TMEM108: variants seen among roughly 807,000 people sequenced by gnomAD.
The protein encoded by TMEM108 is cancer/testis antigen 124.
Under a neutral mutation model 35.1 loss-of-function variants are expected in TMEM108, and 12 were observed. That is an observed-to-expected ratio of 0.34 (90% CI 0.22 to 0.55). The LOEUF is 0.55. Among genes scored for constraint, TMEM108 ranks in the 20% least tolerant of loss-of-function variants. The pLI, the probability that TMEM108 is intolerant of heterozygous loss-of-function variation, is 0.89. For missense variants in TMEM108, 680 were observed against 753.3 expected (o/e 0.90, Z 1.14); for synonymous variants, 287 against 308.6 (o/e 0.93, Z 0.73).
intron 3 of TMEM108, among the ~76,000 whole-genome samples, chr3:133,259,304 T>C (rs1946591500): frequency 6.6e-6 from 1 of 152,186 alleles, no homozygotes; most frequent in African/African-American, 2.4e-5. Flanking sequence ...TGTGAAATTC[T>C]TCTGGAGTTC....
Position 133,342,309 on chromosome 3 carries a change from T to G in TMEM108, c.41-37443T>G, listed in dbSNP as rs527633619. Among the ~76,000 whole-genome samples, 3 of 151,202 alleles carry G rather than the reference T, an allele frequency of 2.0e-5. No individual in the cohort carries two copies. The South Asian group carries it at 6.3e-4, about 32-fold the overall frequency. ...CCCAGTATTTGCTAGTACAACCGGGTGACTCTAGTCAAAAATAATTTAATT... is the reference window on the plus strand; with the variant it reads ...CCCAGTATTTGCTAGTACAACCGGGGGACTCTAGTCAAAAATAATTTAATT... On this transcript the variant is annotated intron_variant, in intron 3 of 5. Coordinates refer to ENST00000321871, the MANE Select transcript of TMEM108 (RefSeq NM_023943.4).
At chr3:133,112,734 A>G (rs533844523) in intron 2 of TMEM108, among the ~76,000 whole-genome samples, 1 of 152,300 alleles carries the variant, frequency 6.6e-6, no homozygotes, top group East Asian at 1.9e-4. Context: ...AAATGTGTTT[A>G]TCAATTGAGA....
At chr3:133,228,091 A>G (rs1946100499) in intron 2 of TMEM108, among the ~76,000 whole-genome samples, 1 of 152,126 alleles carries the variant, frequency 6.6e-6, no homozygotes, top group Admixed American at 6.5e-5. Flanking sequence ...ACATTCTGGA[A>G]TTAGGTAGTG....
At chr3:133,367,753 C>G (rs2072541889) in intron 3 of TMEM108, among the ~76,000 whole-genome samples, 1 of 152,206 alleles carries the variant, frequency 6.6e-6, no homozygotes, top group Non-Finnish European at 1.5e-5. Context: ...GACATCAGCC[C>G]TTCCTCAGGT....
chr3:133,161,557 CTAT>C (rs1451062040), intron 2 of TMEM108, among the ~76,000 whole-genome samples: 1 of 152,074 alleles, frequency 6.6e-6, no homozygotes, highest in Non-Finnish European at 1.5e-5. Context: ...TAAATGTTAA[CTAT>C]TATTATTTTG....
At chr3:133,195,028 T>C (rs537546008) in intron 2 of TMEM108, among the ~76,000 whole-genome samples, 2 of 152,346 alleles carry the variant, frequency 1.3e-5, no homozygotes, top group South Asian at 2.1e-4. Flanking sequence ...AACCTTGTTA[T>C]TATTTATAAA....
chr3:133,374,476 C>T (rs1165098897), intron 3 of TMEM108, among the ~76,000 whole-genome samples: 1 of 149,942 alleles, frequency 6.7e-6, no homozygotes, highest in African/African-American at 2.5e-5. Flanking sequence ...AACAAATATG[C>T]CTTGTGTGTA....
At chr3:133,312,879 T>G (rs1348971873) in intron 3 of TMEM108, among the ~76,000 whole-genome samples, 1 of 152,194 alleles carries the variant, frequency 6.6e-6, no homozygotes, top group Admixed American at 6.5e-5. Flanking sequence ...CCTCCCTCCT[T>G]CATTTTATTG....
intron 2 of TMEM108, among the ~76,000 whole-genome samples, chr3:133,177,574 TATC>T (rs1347309223): frequency 6.6e-6 from 1 of 152,216 alleles, no homozygotes; most frequent in Non-Finnish European, 1.5e-5. Flanking sequence ...ACCACATGAT[TATC>T]TCAATAGATG....
At chr3:133,278,185 A>C (rs1946864164) in intron 3 of TMEM108, among the ~76,000 whole-genome samples, 1 of 152,266 alleles carries the variant, frequency 6.6e-6, no homozygotes, top group African/African-American at 2.4e-5. Flanking sequence ...CTCACAAGAC[A>C]TGGGAAGTAA....
At chr3:133,170,740 G>T (rs1187576654) in intron 2 of TMEM108, among the ~76,000 whole-genome samples, 1 of 151,848 alleles carries the variant, frequency 6.6e-6, no homozygotes, top group East Asian at 1.9e-4. Context: ...GATCTCCAAG[G>T]TATGATAGGA....
chr3:133,118,662 C>A (rs184477150), intron 2 of TMEM108, among the ~76,000 whole-genome samples: 2 of 152,286 alleles, frequency 1.3e-5, no homozygotes, highest in Admixed American at 1.3e-4. Flanking sequence ...CTGCACTTGA[C>A]ACCTGAAAAA....
At chr3:133,379,726 C>A (rs1454277780) in intron 3 of TMEM108, 26 bp from the exon 4 acceptor site, 2 of 1,602,698 alleles carry the variant, frequency 1.2e-6, no homozygotes, top group South Asian at 2.2e-5. Flanking sequence ...AAGTATTTTA[C>A]CTCTTCTCTC....
At chr3:133,392,853 T>C (rs1002808834) in intron 5 of TMEM108, among the ~76,000 whole-genome samples, 2 of 152,184 alleles carry the variant, frequency 1.3e-5, no homozygotes, top group African/African-American at 4.8e-5. Context: ...TGCAATGGCC[T>C]CTAAATTAGG....
intron 2 of TMEM108, among the ~76,000 whole-genome samples, chr3:133,137,280 A>G (rs982988895): frequency 2.0e-5 from 3 of 152,232 alleles, no homozygotes; most frequent in Non-Finnish European, 4.4e-5. Flanking sequence ...GAGCAGGCAC[A>G]TGGCAACTAC....
intron 3 of TMEM108, among the ~76,000 whole-genome samples, chr3:133,336,748 G>T (rs2071513662): frequency 6.6e-6 from 1 of 151,416 alleles, no homozygotes; most frequent in Non-Finnish European, 1.5e-5. Flanking sequence ...GGCTCTTAGG[G>T]TCTCTGATTC....
At chr3:133,088,816 A>G (rs1943913657) in intron 2 of TMEM108, among the ~76,000 whole-genome samples, 2 of 152,198 alleles carry the variant, frequency 1.3e-5, no homozygotes, top group Non-Finnish European at 2.9e-5. Context: ...TGTCACAGCC[A>G]CAAATGCTGT....
chr3:133,261,182 G>A (rs1000409570), intron 3 of TMEM108, among the ~76,000 whole-genome samples: 8 of 152,180 alleles, frequency 5.3e-5, no homozygotes, highest in Admixed American at 1.3e-4. Flanking sequence ...CATCAAATAT[G>A]TAATATCTGC....
intron 3 of TMEM108, among the ~76,000 whole-genome samples, chr3:133,311,144 C>T (rs533295359): frequency 6.6e-6 from 1 of 152,284 alleles, no homozygotes; most frequent in East Asian, 1.9e-4. Flanking sequence ...GGCTGCCCTT[C>T]ACATTTTTTC....
Sources: allele counts gnomAD v4.1 joint callset (sites outside exome capture counted in the v4.1 genomes callset), GRCh38; gene constraint gnomAD v4.1.1; transcripts MANE v1.5; gene names NCBI Gene and HGNC (gene_info 2026-07-23, HGNC 2026-07-21).